ESRRG: variants seen among roughly 807,000 people sequenced by gnomAD.
ESRRG encodes the protein estrogen-related receptor gamma.
In ESRRG, 13 loss-of-function variants were observed where a neutral mutation model predicts 44.0. That is an observed-to-expected ratio of 0.30 (90% CI 0.19 to 0.47). The LOEUF (loss-of-function observed/expected upper bound fraction) is 0.47. ESRRG is among the 20% of genes least tolerant of loss of function. The pLI, the probability that ESRRG is intolerant of heterozygous loss-of-function variation, is 1.00. For synonymous variants in ESRRG, 215 were observed against 214.6 expected, an observed-to-expected ratio of 1.00 and a Z score of -0.02; for missense variants, 395 against 580.6, an observed-to-expected ratio of 0.68 and a Z score of 3.29.
intron 2 of ESRRG, among the ~76,000 whole-genome samples, chr1:216,928,237 T>C (rs1454708447): frequency 1.3e-5 from 2 of 152,174 alleles, no homozygotes; most frequent in Non-Finnish European, 2.9e-5. Context: ...ATTGAATTTT[T>C]CCCCTGTAAA....
intron 2 of ESRRG, among the ~76,000 whole-genome samples, chr1:216,845,771 G>A (rs1233248243): frequency 3.9e-5 from 6 of 151,946 alleles, no homozygotes; most frequent in Non-Finnish European, 5.9e-5. Flanking sequence ...TCTCCCAGTC[G>A]CTACTCTTAG....
intron 2 of ESRRG, among the ~76,000 whole-genome samples, chr1:216,676,700 GTATT>G (rs1185437666): frequency 1.3e-5 from 2 of 152,136 alleles, no homozygotes; most frequent in Non-Finnish European, 2.9e-5. Context: ...CTGGTCTAAA[GTATT>G]TATTATTTCC....
chr1:216,810,480 A>T (rs2094933363), intron 2 of ESRRG, among the ~76,000 whole-genome samples: 1 of 151,588 alleles, frequency 6.6e-6, no homozygotes, highest in Non-Finnish European at 1.5e-5. Flanking sequence ...AATGTTAGAG[A>T]ACAGCTGGAA....
intron 2 of ESRRG, among the ~76,000 whole-genome samples, chr1:216,779,144 ATT>A (rs1427853984): frequency 1.8e-5 from 2 of 112,622 alleles, no homozygotes; most frequent in African/African-American, 3.5e-5. Flanking sequence ...ATAAATATAT[ATT>A]TATATATATA....
rs554839960 is a variant in ESRRG, at chr1:216,655,677, A to G, written c.473-4588T>C. Among the ~76,000 whole-genome samples the G allele has an allele frequency of 1.4e-4, 22 of 152,316 alleles. No individual in the cohort carries two copies. The East Asian group carries it at 4.2e-3, about 29-fold the overall frequency. Reference sequence around the variant, plus strand: ...TTTCAATAAAGTTGCCTTGACACATACGGATAATAACCTTGATTTCACTAA... The same window carrying G: ...TTTCAATAAAGTTGCCTTGACACATGCGGATAATAACCTTGATTTCACTAA... On this transcript the variant is annotated intron_variant, in intron 2 of 6. Transcript: ENST00000408911.
At chr1:216,877,718 G>A (rs556695807) in intron 2 of ESRRG, among the ~76,000 whole-genome samples, 19 of 151,994 alleles carry the variant, frequency 1.3e-4, no homozygotes, top group African/African-American at 3.9e-4. Flanking sequence ...CACCGCGCCC[G>A]GCCTATATGT....
At chr1:217,007,866 T>C (rs758221712) in intron 1 of ESRRG, among the ~76,000 whole-genome samples, 1 of 151,974 alleles carries the variant, frequency 6.6e-6, no homozygotes, top group African/African-American at 2.4e-5. Flanking sequence ...AAGCCAATTA[T>C]GGAATTGAGG....
At chr1:216,888,889 A>AG (rs1231571460) in intron 2 of ESRRG, among the ~76,000 whole-genome samples, 1 of 152,314 alleles carries the variant, frequency 6.6e-6, no homozygotes, top group East Asian at 1.9e-4. Flanking sequence ...ATGCCATCAG[A>AG]GGGAGATACA....
At chr1:217,094,765 T>C (rs1257857522) in intron 1 of ESRRG, among the ~76,000 whole-genome samples, 1 of 152,202 alleles carries the variant, frequency 6.6e-6, no homozygotes, top group Non-Finnish European at 1.5e-5. Flanking sequence ...AGAGCAGAAT[T>C]GAGTTGGCTA....
chr1:216,608,651 C>T (rs2150270366), intron 3 of ESRRG, among the ~76,000 whole-genome samples: 1 of 152,278 alleles, frequency 6.6e-6, no homozygotes, highest in African/African-American at 2.4e-5. Flanking sequence ...ATTTTTGGCT[C>T]TTTACTGATG....
At chr1:216,737,995 CTTTTTTT>C (rs144453643) in intron 2 of ESRRG, among the ~76,000 whole-genome samples, 5 of 119,640 alleles carry the variant, frequency 4.2e-5, no homozygotes, top group African/African-American at 9.3e-5. Context: ...TGAGACATCA[CTTTTTTT>C]TTTTTTTTTT....
At chr1:217,099,274 C>A (rs2092469233) in intron 1 of ESRRG, among the ~76,000 whole-genome samples, 1 of 152,040 alleles carries the variant, frequency 6.6e-6, no homozygotes, top group Non-Finnish European at 1.5e-5. Context: ...AGTATCTTTT[C>A]CAATCCTACT....
chr1:216,568,986 G>A (rs1405766111), intron 3 of ESRRG, among the ~76,000 whole-genome samples: 1 of 151,672 alleles, frequency 6.6e-6, no homozygotes, highest in African/African-American at 2.4e-5. Flanking sequence ...CCCGGGAGGC[G>A]GAGGTTGCAG....
chr1:216,689,994 A>C (rs1221206946), intron 1 of ESRRG, among the ~76,000 whole-genome samples: 2 of 152,132 alleles, frequency 1.3e-5, no homozygotes, highest in East Asian at 3.8e-4. Flanking sequence ...GATGTGCAGC[A>C]ACTGAAAATC....
chr1:217,092,124 T>A (rs1317841770), upstream of ESRRG, among the ~76,000 whole-genome samples: 1 of 152,186 alleles, frequency 6.6e-6, no homozygotes, highest in Non-Finnish European at 1.5e-5. Flanking sequence ...TTTGAATAGA[T>A]CCTTTCTAAG....
chr1:216,516,548 G>C (rs1393698124), intron 6 of ESRRG, among the ~76,000 whole-genome samples: 1 of 151,420 alleles, frequency 6.6e-6, no homozygotes, highest in Non-Finnish European at 1.5e-5. Context: ...GAAAAGCTAA[G>C]ATACCTACCT....
chr1:217,131,583 A>G (rs2092967268), intron 1 of ESRRG, among the ~76,000 whole-genome samples: 1 of 152,260 alleles, frequency 6.6e-6, no homozygotes, highest in African/African-American at 2.4e-5. Context: ...GAACTGGATG[A>G]AAGTAAATGC....
At chr1:216,896,744 C>T (rs1030711281) in intron 2 of ESRRG, among the ~76,000 whole-genome samples, 1 of 152,114 alleles carries the variant, frequency 6.6e-6, no homozygotes, top group Admixed American at 6.5e-5. Flanking sequence ...AGATTTCATG[C>T]CCCTAAATTA....
chr1:216,949,077 A>G (rs2066537057), intron 1 of ESRRG, among the ~76,000 whole-genome samples: 2 of 152,160 alleles, frequency 1.3e-5, no homozygotes, highest in African/African-American at 4.8e-5. Context: ...CTGCCTTCCC[A>G]ACACCTTCAC....
Sources: allele counts gnomAD v4.1 joint callset (sites outside exome capture counted in the v4.1 genomes callset), GRCh38; gene constraint gnomAD v4.1.1; transcripts MANE v1.5; gene names NCBI Gene and HGNC (gene_info 2026-07-23, HGNC 2026-07-21).